LRP6: variants seen among roughly 807,000 people sequenced by gnomAD.
LRP6 encodes the protein LDL receptor related protein 6, also known as low-density lipoprotein receptor-related protein 6.
In LRP6, 43 loss-of-function variants were observed where a neutral mutation model predicts 184.1. That is an observed-to-expected ratio of 0.23 (90% CI 0.18 to 0.30). The LOEUF (loss-of-function observed/expected upper bound fraction) is 0.30, where lower values mean the gene tolerates loss of function less well. Ranked by LOEUF, LRP6 falls within the 10% of genes least tolerant of loss-of-function variation. The pLI, the probability that LRP6 is intolerant of heterozygous loss-of-function variation, is 1.00. For missense variants in LRP6, 1,571 were observed against 2,005.3 expected, an observed-to-expected ratio of 0.78 and a Z score of 4.14; for synonymous variants, 719 against 684.9, an observed-to-expected ratio of 1.05 and a Z score of -0.78.
intron 3 of LRP6, among the ~76,000 whole-genome samples, chr12:12,195,073 T>C (rs532890216): frequency 3.7e-4 from 57 of 152,236 alleles, no homozygotes; most frequent in Non-Finnish European, 1.2e-4. Flanking sequence ...ATTGTGTATA[T>C]ATACCACATT....
intron 7 of LRP6, among the ~76,000 whole-genome samples, chr12:12,171,869 T>C (rs1863055468): frequency 1.3e-5 from 2 of 152,234 alleles, no homozygotes; most frequent in Non-Finnish European, 2.9e-5. Context: ...TGTTGCTCTG[T>C]CTTAAAGAAA....
At chr12:12,169,406 A>G (rs2136961126) in intron 7 of LRP6, among the ~76,000 whole-genome samples, 1 of 152,346 alleles carries the variant, frequency 6.6e-6, no homozygotes, top group Non-Finnish European at 1.5e-5. Flanking sequence ...ATTATAGATC[A>G]GAAATACTTT....
At chr12:12,257,812 T>TAAAAAAAAA (rs1865507818) in intron 1 of LRP6, among the ~76,000 whole-genome samples, 128 of 67,180 alleles carry the variant, frequency 1.9e-3, no homozygotes, top group South Asian at 4.7e-3. Flanking sequence ...AAAAAAAAAT[T>TAAAAAAAAA]AAAAATGAGC....
At position 12,119,987 on chromosome 12, in the gene LRP6, C is replaced by CAAACAAACAAACAAAAAAA. The variant is rs567315765; in HGVS notation, c.*1138_*1139insTTTTTTTGTTTGTTTGTTT. The CAAACAAACAAACAAAAAAA allele has an allele frequency of 1.4e-4, 6 of 42,938 alleles. No homozygotes were observed. The highest frequency in any genetic ancestry group is 3.1e-4 in the Admixed American group (1 of 3,262). 2.7% of individuals were successfully genotyped at this position (42,938 alleles called of 1,614,324 possible). A position where few individuals can be genotyped will look rare whatever the true frequency, so the allele number is the denominator to read the frequency against. ...TTTACTCAGAAAACAAACAAACAAA[C>CAAACAAACAAACAAAAAAA]AAAATATATATATATATATATATAT... On this transcript the variant is annotated 3_prime_UTR_variant, in exon 23 of 23. Coordinates refer to ENST00000261349, the MANE Select transcript of LRP6 (RefSeq NM_002336.3).
intron 17 of LRP6, among the ~76,000 whole-genome samples, chr12:12,134,362 T>C (rs538674355): frequency 2.0e-5 from 3 of 152,328 alleles, no homozygotes; most frequent in African/African-American, 4.8e-5. Context: ...CTGTAGATAA[T>C]AGTATGATGT....
chr12:12,136,010 T>G (rs1444163799), intron 16 of LRP6, among the ~76,000 whole-genome samples: 1 of 151,886 alleles, frequency 6.6e-6, no homozygotes, highest in African/African-American at 2.4e-5. Context: ...CACAGTGAAA[T>G]CCCGTCTCTA....
chr12:12,165,326 T>C, intron 7 of LRP6, 31 bp from the exon 8 acceptor site: 11 of 1,433,290 alleles, frequency 7.7e-6, no homozygotes, highest in Non-Finnish European at 1.1e-5. Context: ...GAGAAGGGGA[T>C]GAATTATGCA....
chr12:12,180,894 T>C lies in LRP6; in HGVS notation c.1373+149A>G, dbSNP rs1591921088. On this transcript the variant is annotated intron_variant, in intron 6 of 22. Coordinates refer to ENST00000261349, the MANE Select transcript of LRP6 (RefSeq NM_002336.3). ...AGCAATTTTTAAACTTGAGATTGTA[T>C]TCTAATCACCATATCCTAAAATAGA... 29 of 809,858 alleles carry C rather than the reference T, an allele frequency of 3.6e-5. No individual in the cohort carries two copies. The East Asian group carries it at 7.6e-4, about 21-fold the overall frequency. The allele number at this position is 809,858 out of a possible 1,614,324, so 50.2% of individuals were successfully genotyped here. A position where few individuals can be genotyped will look rare whatever the true frequency, so the allele number is the denominator to read the frequency against.
In LRP6 at chr12:12,124,580, G is replaced by A. The variant is rs1453400577; in HGVS notation, c.4532C>T (p.Thr1511Ile). 1.9e-6 allele frequency: 3 copies of A among 1,610,336 alleles called. No homozygotes were observed. Among genetic ancestry groups the A allele is most frequent in the Non-Finnish European group, 2.5e-6 (3 of 1,176,506 alleles). ...EFGYSSNSPSTHRSYSYRPYS... is the reference protein window; with the variant it reads ...EFGYSSNSPSIHRSYSYRPYS... Reference sequence around the variant, plus strand: ...TGTGTATTACCTGTATGACCTATGAGTGGAAGGACTGTTTGAAGAATATCC... The same window carrying A: ...TGTGTATTACCTGTATGACCTATGAATGGAAGGACTGTTTGAAGAATATCC... The change falls in exon 22 of 23, where the codon ACT (threonine) becomes ATT (isoleucine). Residue 1511 changes from threonine to isoleucine, a missense_variant. By Grantham distance (89) the Thr-to-Ile change is moderately conservative. Coordinates refer to ENST00000261349, the MANE Select transcript of LRP6 (RefSeq NM_002336.3).
At chr12:12,197,980 G>A (rs1863809362) in intron 3 of LRP6, among the ~76,000 whole-genome samples, 1 of 152,218 alleles carries the variant, frequency 6.6e-6, no homozygotes, top group Non-Finnish European at 1.5e-5. Context: ...AAGAGGCAGA[G>A]GTTGCAGTGA....
chr12:12,118,111 A>AT lies in LRP6; in HGVS notation c.*3014dup, dbSNP rs1329661816. The AT allele has an allele frequency of 1.3e-5, 2 of 152,230 alleles. No individual in the cohort carries two copies. The highest frequency in any genetic ancestry group is 2.4e-5 in the African/African-American group (1 of 41,468). 9.4% of individuals were successfully genotyped at this position (152,230 alleles called of 1,614,324 possible). A position where few individuals can be genotyped will look rare whatever the true frequency, so the allele number is the denominator to read the frequency against. ...AACTACATAATCTTCTGCTAAACAG[A>AT]TATCTTGTGATATGCTGTAAGAGTG... On this transcript the variant is annotated 3_prime_UTR_variant, in exon 23 of 23. Transcript: ENST00000261349.
At chr12:12,206,530 G>A (rs546625619) in intron 2 of LRP6, among the ~76,000 whole-genome samples, 21 of 130,012 alleles carry the variant, frequency 1.6e-4, no homozygotes, top group East Asian at 4.5e-4. Flanking sequence ...GCAACAGAGC[G>A]AGACTCCATC....
intron 19 of LRP6, 41 bp downstream of exon 19, chr12:12,130,742 T>C (rs1949740523): frequency 7.7e-7 from 1 of 1,294,640 alleles, no homozygotes; most frequent in Non-Finnish European, 1.1e-6. Flanking sequence ...ATTGTTTAAA[T>C]TCTCTGTTAA....
intron 19 of LRP6, among the ~76,000 whole-genome samples, chr12:12,130,574 T>C (rs1949737277): frequency 6.6e-6 from 1 of 152,238 alleles, no homozygotes; most frequent in African/African-American, 2.4e-5. Flanking sequence ...TTACTAAATG[T>C]TTCTGTGAAG....
Position 12,171,409 on chromosome 12 carries a change from C to T in LRP6, c.1546-6114G>A, listed in dbSNP as rs144586269. On this transcript the variant is annotated intron_variant, in intron 7 of 22. Transcript: ENST00000261349. ...TGGTGGCGGGTGCCCGTAGTCCCAG[C>T]TACTCAGGAGGTTGAGGCAGGAGGA... is the stretch of plus-strand genomic sequence containing the variant. 4.5e-4 allele frequency among the ~76,000 whole-genome samples: 69 copies of T among 152,080 alleles called. No homozygotes were observed. The East Asian group carries it at 0.013, about 29-fold the overall frequency.
At chr12:12,221,104 T>A (rs957153430) in intron 2 of LRP6, among the ~76,000 whole-genome samples, 4 of 152,246 alleles carry the variant, frequency 2.6e-5, no homozygotes, top group Admixed American at 2.6e-4. Flanking sequence ...GTGAGACTGG[T>A]TAGCAGAAAA....
intron 1 of LRP6, among the ~76,000 whole-genome samples, chr12:12,255,566 C>CTTTT (rs749441005): frequency 2.6e-4 from 30 of 114,140 alleles, no homozygotes; most frequent in Middle Eastern, 4.8e-3. Context: ...GGTTTGGTCA[C>CTTTT]TTTTTTTTTT....
At chr12:12,155,068 C>T (rs997124090) in intron 12 of LRP6, among the ~76,000 whole-genome samples, 170 of 152,158 alleles carry the variant, frequency 1.1e-3, no homozygotes, top group African/African-American at 3.6e-3. Context: ...CCGTGATGCA[C>T]GCCTGTAAAC....
chr12:12,215,593 C>T (rs1019540692), intron 2 of LRP6, among the ~76,000 whole-genome samples: 5 of 151,448 alleles, frequency 3.3e-5, no homozygotes, highest in Non-Finnish European at 7.4e-5. Flanking sequence ...TCAGGTGATC[C>T]GCCCGCCTCG....
Sources: allele counts gnomAD v4.1 joint callset (sites outside exome capture counted in the v4.1 genomes callset), GRCh38; gene constraint gnomAD v4.1.1; transcripts MANE v1.5; gene names NCBI Gene and HGNC (gene_info 2026-07-23, HGNC 2026-07-21).